E2F5: variants seen among roughly 807,000 people sequenced by gnomAD.
E2F5 encodes the protein E2F transcription factor 5.
Under a neutral mutation model 39.1 loss-of-function variants are expected in E2F5, and 23 were observed. The observed-to-expected ratio is 0.59, with a 90% CI of 0.42 to 0.83. The LOEUF (loss-of-function observed/expected upper bound fraction) is 0.83. Ranked by LOEUF, E2F5 falls within the 40% of genes least tolerant of loss-of-function variation. The pLI is 0.00. For synonymous variants in E2F5, 145 were observed against 157.8 expected (o/e 0.92, Z 0.61); for missense variants, 365 against 406.7 (o/e 0.90, Z 0.88).
intron 7 of E2F5, 56 bp downstream of exon 7, chr8:85,212,260 A>G (rs761634364): frequency 2.2e-5 from 27 of 1,251,078 alleles, no homozygotes; most frequent in South Asian, 2.6e-5. Flanking sequence ...TGTGGAATTT[A>G]TAAGTGAAAC....
At chr8:85,209,033 T>G in intron 5 of E2F5, 109 bp from the exon 6 acceptor site, 1 of 1,098,370 alleles carries the variant, frequency 9.1e-7, no homozygotes, top group Admixed American at 2.6e-5. Flanking sequence ...TTTATTGTGT[T>G]ATGTGAATTT....
intron 1 of E2F5, among the ~76,000 whole-genome samples, chr8:85,178,655 C>G (rs2136036159): frequency 6.6e-6 from 1 of 152,322 alleles, no homozygotes; most frequent in East Asian, 1.9e-4. Context: ...GAGGATTGGC[C>G]CCAGCTCCCA....
rs1171327385 is a variant in E2F5 at position 85,206,220 on chromosome 8, G to A, written c.550G>A (p.Gly184Ser). Residue 184 changes from glycine (G) to serine (S), a missense_variant and splice_region_variant, in exon 4 of 8, where the codon GGT (glycine) becomes AGT (serine). Coordinates refer to ENST00000416274, the MANE Select transcript of E2F5 (RefSeq NM_001951.4). ...TGAAGACATCTGTAATTGCTTTAAT[G>A]GTAAGTACCATTAGACTTTTCCTTG... ...THEDICNCFN[G>S]DTLLAIQAPS... 11 of 1,612,602 alleles carry A rather than the reference G, an allele frequency of 6.8e-6. No homozygotes were observed. The South Asian group carries it at 1.2e-4, about 18-fold the overall frequency.
chr8:85,185,539 T>C (rs913853539), intron 1 of E2F5, among the ~76,000 whole-genome samples: 1 of 152,202 alleles, frequency 6.6e-6, no homozygotes, highest in African/African-American at 2.4e-5. Flanking sequence ...AAAGAGCTTC[T>C]GCACAGCAAA....
At position 85,177,302 on chromosome 8, in the gene E2F5, C is replaced by A; in HGVS notation, c.-119C>A. The A allele has an allele frequency of 1.2e-6, 1 of 848,636 alleles. No individual in the cohort carries two copies. Among genetic ancestry groups the A allele is most frequent in the Non-Finnish European group, 1.4e-6 (1 of 705,014 alleles). The allele number at this position is 848,636 out of a possible 1,614,324, so 52.6% of individuals were successfully genotyped here. On this transcript the variant is annotated 5_prime_UTR_variant, in exon 1 of 8. Transcript: ENST00000416274. ...GTTGTTTGCAGCAGCCAGCGACCCG[C>A]ACTACCGCTCTCGGCGGGCGGGGAA...
intron 3 of E2F5, among the ~76,000 whole-genome samples, chr8:85,205,439 T>C (rs1812782664): frequency 6.6e-6 from 1 of 152,100 alleles, no homozygotes; most frequent in African/African-American, 2.4e-5. Flanking sequence ...TCACCATCTC[T>C]AGACTAGACT....
In E2F5 at chr8:85,214,073, C is replaced by G. The variant is rs1048192141; in HGVS notation, c.*211C>G. ...TTTAGGGGATAAGTGATTTAATATC[C>G]ACAAACGTCCCCACTCCCAAAAGTA... On this transcript the variant is annotated 3_prime_UTR_variant, in exon 8 of 8. Coordinates refer to ENST00000416274, the MANE Select transcript of E2F5 (RefSeq NM_001951.4). 3 of 590,944 alleles carry G rather than the reference C, an allele frequency of 5.1e-6. No individual in the cohort carries two copies. The highest frequency in any genetic ancestry group is 9.2e-6 in the Non-Finnish European group (3 of 327,810). 36.6% of individuals were successfully genotyped at this position (590,944 alleles called of 1,614,324 possible).
chr8:85,210,476 G>A (rs940312056), intron 6 of E2F5, among the ~76,000 whole-genome samples: 6 of 152,018 alleles, frequency 3.9e-5, no homozygotes, highest in Non-Finnish European at 7.4e-5. Flanking sequence ...TCAGGGGTTC[G>A]AGACCAGTCT....
intron 1 of E2F5, among the ~76,000 whole-genome samples, chr8:85,194,001 C>T (rs2129682809): frequency 6.6e-6 from 1 of 152,218 alleles, no homozygotes; most frequent in African/African-American, 2.4e-5. Flanking sequence ...CCTTTATTAA[C>T]TCATTAAAAG....
At chr8:85,194,614 T>C (rs907004701) in intron 1 of E2F5, among the ~76,000 whole-genome samples, 2 of 147,402 alleles carry the variant, frequency 1.4e-5, no homozygotes, top group African/African-American at 5.0e-5. Context: ...AGCTCACTGC[T>C]ACCTCTGCCA....
At chr8:85,189,933 C>A (rs373368975) in intron 1 of E2F5, among the ~76,000 whole-genome samples, 4 of 152,122 alleles carry the variant, frequency 2.6e-5, no homozygotes, top group African/African-American at 9.7e-5. Context: ...CCTACCTGAG[C>A]CTTACGCTTC....
intron 1 of E2F5, among the ~76,000 whole-genome samples, chr8:85,186,729 A>G (rs1812348619): frequency 6.8e-6 from 1 of 147,060 alleles, no homozygotes. Flanking sequence ...TGTATATATG[A>G]TATATATAAG....
chr8:85,208,434 A>C (rs2129748748), intron 5 of E2F5, among the ~76,000 whole-genome samples: 1 of 152,384 alleles, frequency 6.6e-6, no homozygotes, highest in African/African-American at 2.4e-5. Flanking sequence ...TAGGTCTTTT[A>C]TAAAACATTG....
chr8:85,180,838 C>T (rs1812197444), intron 1 of E2F5, among the ~76,000 whole-genome samples: 1 of 151,610 alleles, frequency 6.6e-6, no homozygotes, highest in South Asian at 2.1e-4. Context: ...CTCGGCCTCC[C>T]AAAGTGCTGG....
intron 1 of E2F5, chr8:85,177,972 G>C (rs925101308): frequency 5.7e-5 from 10 of 176,668 alleles, no homozygotes; most frequent in Non-Finnish European, 1.2e-4. Context: ...GAGGGTAACC[G>C]AGTGTCTGTT....
At chr8:85,179,805 G>A (rs1023137919) in intron 1 of E2F5, among the ~76,000 whole-genome samples, 8 of 151,486 alleles carry the variant, frequency 5.3e-5, no homozygotes, top group Non-Finnish European at 4.4e-5. Flanking sequence ...GACTACAGGC[G>A]CCCGCCAGCG....
intron 1 of E2F5, among the ~76,000 whole-genome samples, chr8:85,184,645 G>A (rs1366651336): frequency 6.6e-6 from 1 of 152,158 alleles, no homozygotes; most frequent in African/African-American, 2.4e-5. Context: ...ATCTCCTTAA[G>A]CTGATAAGCA....
At chr8:85,187,595 A>G (rs1275287739) in intron 1 of E2F5, 1 of 152,066 alleles carries the variant, frequency 6.6e-6, no homozygotes, top group African/African-American at 2.4e-5. Flanking sequence ...AATCTGATAT[A>G]TGTATAGCCA....
At chr8:85,210,636 G>A (rs1812897184) in intron 6 of E2F5, among the ~76,000 whole-genome samples, 1 of 149,950 alleles carries the variant, frequency 6.7e-6, no homozygotes, top group Non-Finnish European at 1.5e-5. Context: ...AGCCGAGATC[G>A]CACCACTCCA....
Sources: allele counts gnomAD v4.1 joint callset (sites outside exome capture counted in the v4.1 genomes callset), GRCh38; gene constraint gnomAD v4.1.1; transcripts MANE v1.5; gene names NCBI Gene and HGNC (gene_info 2026-07-23, HGNC 2026-07-21).